The following MSI2 variants were observed in gnomAD, a reference collection of about 807,000 sequenced individuals.
The protein encoded by MSI2 is RNA-binding protein Musashi homolog 2.
A neutral mutation model predicts 45.6 loss-of-function variants in MSI2; 17 were observed. The ratio of observed to expected loss-of-function variants is 0.37; its 90% confidence interval spans 0.26 to 0.56. The LOEUF (loss-of-function observed/expected upper bound fraction) is 0.56. Ranked by LOEUF, MSI2 falls within the 20% of genes least tolerant of loss-of-function variation. MSI2 has a pLI of 0.77. For synonymous variants in MSI2, 156 were observed against 158.2 expected, an observed-to-expected ratio of 0.99 and a Z score of 0.11; for missense variants, 293 against 444.2, an observed-to-expected ratio of 0.66 and a Z score of 3.06.
chr17:57,379,300 G>A (rs1292051859), intron 5 of MSI2, among the ~76,000 whole-genome samples: 1 of 152,026 alleles, frequency 6.6e-6, no homozygotes, highest in African/African-American at 2.4e-5. Flanking sequence ...CCTTCTCTGA[G>A]TCAGGGTTGA....
At chr17:57,342,877 TAA>T (rs1915287673) in intron 5 of MSI2, among the ~76,000 whole-genome samples, 1 of 152,242 alleles carries the variant, frequency 6.6e-6, no homozygotes, top group African/African-American at 2.4e-5. Context: ...TTTGCCATTA[TAA>T]GTCTTACTTA....
chr17:57,592,087 G>T (rs1198958794), intron 7 of MSI2, among the ~76,000 whole-genome samples: 2 of 151,416 alleles, frequency 1.3e-5, no homozygotes, highest in Non-Finnish European at 2.9e-5. Context: ...CAGGAGAATC[G>T]CATGAGCCTG....
At chr17:57,260,594 T>C (rs1907216900) in intron 4 of MSI2, among the ~76,000 whole-genome samples, 1 of 152,172 alleles carries the variant, frequency 6.6e-6, no homozygotes, top group African/African-American at 2.4e-5. Flanking sequence ...GTATTTCTCT[T>C]GTAGACAAGC....
intron 6 of MSI2, among the ~76,000 whole-genome samples, chr17:57,515,410 G>T (rs891625244): frequency 6.6e-6 from 1 of 152,092 alleles, no homozygotes; most frequent in Non-Finnish European, 1.5e-5. Context: ...TTGCCATGTT[G>T]GCCAGGCTGG....
chr17:57,363,867 T>C (rs1287943323), intron 5 of MSI2, among the ~76,000 whole-genome samples: 1 of 152,206 alleles, frequency 6.6e-6, no homozygotes, highest in African/African-American at 2.4e-5. Flanking sequence ...ATGTCTCTCT[T>C]AAGCCAGACA....
intron 5 of MSI2, among the ~76,000 whole-genome samples, chr17:57,394,700 C>T (rs942637558): frequency 9.2e-5 from 14 of 152,162 alleles, no homozygotes; most frequent in African/African-American, 3.4e-4. Context: ...GTCATTTGAC[C>T]ATTTAAAGCA....
intron 7 of MSI2, among the ~76,000 whole-genome samples, chr17:57,565,620 A>G (rs958994756): frequency 2.4e-4 from 37 of 152,132 alleles, no homozygotes; most frequent in African/African-American, 8.7e-4. Flanking sequence ...TGCTAAGGAC[A>G]GGGCACTCTC....
rs397856811 is a variant in MSI2, at chr17:57,682,317, T to TCCCCCCCCC, written c.*2804_*2812dup. 40 of 119,384 alleles carry TCCCCCCCCC rather than the reference T, an allele frequency of 3.4e-4. No homozygotes were observed. The highest frequency in any genetic ancestry group is 4.0e-4 in the Non-Finnish European group (24 of 60,388). 7.4% of individuals were successfully genotyped at this position (119,384 alleles called of 1,614,324 possible). A position where few individuals can be genotyped will look rare whatever the true frequency, so the allele number is the denominator to read the frequency against. On this transcript the variant is annotated 3_prime_UTR_variant, in exon 14 of 14. Coordinates refer to ENST00000284073, the MANE Select transcript of MSI2 (RefSeq NM_138962.4). ...GGCGGACTCTACGGCGTTTTGTAGATCCCCCCCCCCCCACCCACTGTGAAG... is the reference window on the plus strand; with the variant it reads ...GGCGGACTCTACGGCGTTTTGTAGATCCCCCCCCCCCCCCCCCCCCCACCCACTGTGAAG...
Position 57,541,324 on chromosome 17 carries a change from G to A in MSI2, c.454+11600G>A, listed in dbSNP as rs117666881. ...CACAAACCATACTCATTAGAGTGGC[G>A]TTTCTAGCTGGTTCATTCAACTTGG... is the stretch of plus-strand genomic sequence containing the variant. On this transcript the variant is annotated intron_variant, in intron 7 of 13. Transcript: ENST00000284073. 6.8e-3 allele frequency among the ~76,000 whole-genome samples: 1,028 copies of A among 152,206 alleles called. 3 individuals carry two copies. Among genetic ancestry groups the A allele is most frequent in the Middle Eastern group, 0.037 (11 of 294 alleles).
At position 57,432,390 on chromosome 17, in the gene MSI2, C is replaced by T. The variant is rs2084613314; in HGVS notation, c.405+30919C>T. ...GCTCATAGCCATTCTCAGGTTTCTG[C>T]GGTGTGCATTTCTCTAGTGGTTCCC... On this transcript the variant is annotated intron_variant, in intron 6 of 13. Coordinates refer to ENST00000284073, the MANE Select transcript of MSI2 (RefSeq NM_138962.4). Among the ~76,000 whole-genome samples, 2 of 152,092 alleles carry T rather than the reference C, an allele frequency of 1.3e-5. 1 individual carries two copies. The highest frequency in any genetic ancestry group is 4.2e-4 in the South Asian group (2 of 4,818).
At chr17:57,361,133 GC>G (rs1193598626) in intron 5 of MSI2, among the ~76,000 whole-genome samples, 1 of 151,992 alleles carries the variant, frequency 6.6e-6, no homozygotes, top group African/African-American at 2.4e-5. Context: ...AAGGGTTACG[GC>G]CCCCCTGCAC....
At chr17:57,305,324 G>A (rs1485999628) in intron 5 of MSI2, among the ~76,000 whole-genome samples, 3 of 152,160 alleles carry the variant, frequency 2.0e-5, no homozygotes, top group East Asian at 1.9e-4. Context: ...TGGAGCCTCC[G>A]ATGTTGAGGA....
intron 6 of MSI2, among the ~76,000 whole-genome samples, chr17:57,471,723 TG>T (rs1398819045): frequency 1.3e-5 from 2 of 152,030 alleles, no homozygotes; most frequent in Non-Finnish European, 2.9e-5. Flanking sequence ...GCCTGCGTGC[TG>T]CCCCCAGCCT....
At chr17:57,631,886 A>G (rs1598475290) in intron 10 of MSI2, 1 of 1,604,052 alleles carries the variant, frequency 6.2e-7, no homozygotes, top group East Asian at 2.2e-5. Flanking sequence ...GAGAGAGAGG[A>G]CACAGTCCCG....
At chr17:57,474,998 A>G (rs2085510975) in intron 6 of MSI2, among the ~76,000 whole-genome samples, 1 of 152,242 alleles carries the variant, frequency 6.6e-6, no homozygotes, top group Non-Finnish European at 1.5e-5. Flanking sequence ...CTGGGATTAC[A>G]GGGATGAGCC....
chr17:57,618,574 T>G (rs1446332033), intron 9 of MSI2, among the ~76,000 whole-genome samples: 1 of 152,164 alleles, frequency 6.6e-6, no homozygotes, highest in Non-Finnish European at 1.5e-5. Context: ...AGATGGAGTC[T>G]CGCTCTGTCG....
At chr17:57,472,246 T>A (rs1437688270) in intron 6 of MSI2, among the ~76,000 whole-genome samples, 1 of 152,134 alleles carries the variant, frequency 6.6e-6, no homozygotes, top group Non-Finnish European at 1.5e-5. Flanking sequence ...ACACTCAGAG[T>A]GAGAGCTGGT....
At chr17:57,256,998 C>A in intron 1 of MSI2, 100 bp from the exon 2 acceptor site, 4 of 1,587,146 alleles carry the variant, frequency 2.5e-6, no homozygotes, top group South Asian at 1.1e-5. Flanking sequence ...GGCTCTCGCT[C>A]GCTCGCTCCC....
chr17:57,450,267 G>GAAAGAAAGAAAGA lies in MSI2; in HGVS notation c.405+48799_405+48811dup, dbSNP rs1555607227. 9.0e-4 allele frequency: 68 copies of GAAAGAAAGAAAGA among 75,426 alleles called. 2 individuals carry two copies. The highest frequency in any genetic ancestry group is 1.0e-3 in the South Asian group (2 of 1,998). 4.7% of individuals were successfully genotyped at this position (75,426 alleles called of 1,614,324 possible). On this transcript the variant is annotated intron_variant, in intron 6 of 13. Transcript: ENST00000284073. ...GTATTCCCCAGCTTAAAGAAAGAAAGAAAGAAAGAAAGAAAGAAAGAAAGA... is the reference window on the plus strand; with the variant it reads ...GTATTCCCCAGCTTAAAGAAAGAAAGAAAGAAAGAAAGAAAAGAAAGAAAGAAAGAAAGAAAGA...
Sources: gnomAD v4.1 joint callset for allele counts (sites outside exome capture counted in the v4.1 genomes callset) on GRCh38, gnomAD v4.1.1 for gene constraint, MANE v1.5 for transcripts, NCBI Gene and HGNC (gene_info 2026-07-23, HGNC 2026-07-21) for gene names.